The following NOL4 variants were observed in gnomAD, a reference collection of about 807,000 sequenced individuals.
The protein encoded by NOL4 is nucleolar protein 4.
Under a neutral mutation model 75.9 loss-of-function variants are expected in NOL4, and 17 were observed. The observed-to-expected ratio is 0.22, with a 90% CI of 0.15 to 0.34. The LOEUF is 0.34. Among genes scored for constraint, NOL4 ranks in the 10% least tolerant of loss-of-function variants. The pLI, the probability that NOL4 is intolerant of heterozygous loss-of-function variation, is 1.00. For synonymous variants in NOL4, 292 were observed against 289.9 expected, an observed-to-expected ratio of 1.01 and a Z score of -0.07; for missense variants, 614 against 793.5, an observed-to-expected ratio of 0.77 and a Z score of 2.72.
At chr18:34,087,388 C>T (rs932437159) in intron 5 of NOL4, among the ~76,000 whole-genome samples, 1 of 152,000 alleles carries the variant, frequency 6.6e-6, no homozygotes, top group African/African-American at 2.4e-5. Flanking sequence ...TGATAATTTT[C>T]GAGTGTACAA....
intron 10 of NOL4, among the ~76,000 whole-genome samples, chr18:33,862,458 G>T (rs950814474): frequency 6.6e-6 from 1 of 152,084 alleles, no homozygotes; most frequent in African/African-American, 2.4e-5. Context: ...CACAGCAAAA[G>T]AAACTACCAT....
In NOL4 at chr18:34,141,922, C is replaced by A. The variant is rs565446901; in HGVS notation, c.265-11902G>T. On this transcript the variant is annotated intron_variant, in intron 1 of 10. Transcript: ENST00000261592. ...ACCTACAGAATGGGAAAATTTTTTG[C>A]AATCTACTCATCTGACAAAGGGCTA... 1.1e-3 allele frequency among the ~76,000 whole-genome samples: 171 copies of A among 151,816 alleles called. 3 individuals are homozygous for A. The highest frequency in any genetic ancestry group is 3.9e-3 in the African/African-American group (161 of 41,428).
At chr18:33,935,301 C>T (rs934383405) in intron 9 of NOL4, among the ~76,000 whole-genome samples, 2 of 152,118 alleles carry the variant, frequency 1.3e-5, no homozygotes, top group African/African-American at 4.8e-5. Flanking sequence ...ATCATTCTAG[C>T]TTTTGATTTA....
At chr18:33,956,482 A>G (rs1373227236) in intron 8 of NOL4, among the ~76,000 whole-genome samples, 1 of 152,140 alleles carries the variant, frequency 6.6e-6, no homozygotes, top group Non-Finnish European at 1.5e-5. Flanking sequence ...GATCACAAAC[A>G]CTAACAGCCT....
chr18:34,116,283 C>T (rs988000803), intron 2 of NOL4, among the ~76,000 whole-genome samples: 3 of 144,994 alleles, frequency 2.1e-5, no homozygotes, highest in Non-Finnish European at 4.6e-5. Flanking sequence ...TATCTTCCAT[C>T]TGTGGGTTAT....
intron 10 of NOL4, among the ~76,000 whole-genome samples, chr18:33,866,296 A>G (rs2063425199): frequency 6.6e-6 from 1 of 152,122 alleles, no homozygotes; most frequent in Non-Finnish European, 1.5e-5. Flanking sequence ...TTTAAATTCT[A>G]AATTTTTACA....
chr18:34,141,719 C>T (rs1411324044), intron 1 of NOL4, among the ~76,000 whole-genome samples: 2 of 152,140 alleles, frequency 1.3e-5, no homozygotes, highest in Non-Finnish European at 2.9e-5. Context: ...AGACCTAAAA[C>T]CATGAAAACC....
At chr18:34,144,269 C>G (rs2081309745) in intron 1 of NOL4, among the ~76,000 whole-genome samples, 1 of 152,044 alleles carries the variant, frequency 6.6e-6, no homozygotes, top group South Asian at 2.1e-4. Flanking sequence ...AAAAAGTTAC[C>G]TGTTAGCTCT....
chr18:33,852,223 G>A lies in NOL4; in HGVS notation c.*619C>T, dbSNP rs1016116655. On this transcript the variant is annotated 3_prime_UTR_variant, in exon 11 of 11. Transcript: ENST00000261592. The stretch of plus-strand genomic sequence containing the variant: ...TTTTTGTAGAAAGAATTTGGAAAGA[G>A]GAGAAGGCAAAGGGATGTGGAAAAG... 6.6e-6 allele frequency: 1 copy of A among 152,386 alleles called. No individual in the cohort carries two copies. Among genetic ancestry groups the A allele is most frequent in the Non-Finnish European group, 1.5e-5 (1 of 67,964 alleles). 9.4% of individuals were successfully genotyped at this position (152,386 alleles called of 1,614,324 possible).
intron 4 of NOL4, among the ~76,000 whole-genome samples, chr18:34,096,408 A>T (rs1177983645): frequency 6.6e-6 from 1 of 152,066 alleles, no homozygotes; most frequent in Non-Finnish European, 1.5e-5. Context: ...TTAGTTAATA[A>T]TTGATTAAAT....
chr18:34,208,043 G>A (rs548088713), intron 1 of NOL4, among the ~76,000 whole-genome samples: 1 of 152,276 alleles, frequency 6.6e-6, no homozygotes, highest in East Asian at 1.9e-4. Context: ...GACAGAAAGA[G>A]CTTTTCTTCA....
intron 2 of NOL4, among the ~76,000 whole-genome samples, chr18:34,111,030 T>C (rs988916507): frequency 6.6e-6 from 1 of 152,006 alleles, no homozygotes; most frequent in Non-Finnish European, 1.5e-5. Flanking sequence ...CTCTGACAAA[T>C]ATACCAAGAA....
chr18:33,896,145 TC>T (rs1490018460), intron 9 of NOL4, among the ~76,000 whole-genome samples: 2 of 151,966 alleles, frequency 1.3e-5, no homozygotes, highest in East Asian at 3.9e-4. Context: ...CTCACAGAAA[TC>T]AGAGAAGGCA....
intron 6 of NOL4, among the ~76,000 whole-genome samples, chr18:34,002,090 C>A (rs2146238634): frequency 6.6e-6 from 1 of 152,208 alleles, no homozygotes; most frequent in South Asian, 2.1e-4. Flanking sequence ...ATTTCAAAGG[C>A]ATTTTAAATT....
chr18:33,891,922 T>C (rs1038061484), intron 9 of NOL4, among the ~76,000 whole-genome samples: 9 of 152,086 alleles, frequency 5.9e-5, no homozygotes, highest in Non-Finnish European at 1.3e-4. Flanking sequence ...ATTATTAATG[T>C]TTTTGGCAGT....
At position 34,224,798 on chromosome 18, in the gene NOL4, C is replaced by G. The variant is rs1407217210; in HGVS notation, c.-1545G>C. 6.5e-6 allele frequency: 1 copy of G among 154,544 alleles called. No homozygotes were observed. The highest frequency in any genetic ancestry group is 1.4e-5 in the Non-Finnish European group (1 of 69,612). The allele number at this position is 154,544 out of a possible 1,614,324, so 9.6% of individuals were successfully genotyped here. On this transcript the variant is annotated 5_prime_UTR_variant, in exon 1 of 11. Transcript: ENST00000261592. ...GTGTGCGTGTGTGTGAGCAAGGGAGCGAGGGTGTGCGGTGTGCAGGGGGTG... is the reference window on the plus strand; with the variant it reads ...GTGTGCGTGTGTGTGAGCAAGGGAGGGAGGGTGTGCGGTGTGCAGGGGGTG...
intron 6 of NOL4, among the ~76,000 whole-genome samples, chr18:34,001,345 T>C (rs1488744732): frequency 6.6e-6 from 1 of 152,202 alleles, no homozygotes; most frequent in African/African-American, 2.4e-5. Context: ...TACTACGCAA[T>C]TCCAAACTAC....
At chr18:34,192,167 T>G (rs2034965846) in intron 1 of NOL4, among the ~76,000 whole-genome samples, 1 of 152,158 alleles carries the variant, frequency 6.6e-6, no homozygotes, top group African/African-American at 2.4e-5. Flanking sequence ...AGTTTATAGC[T>G]CTTTGAGATT....
intron 1 of NOL4, chr18:34,221,556 A>G (rs1160832703): frequency 1.3e-5 from 2 of 150,970 alleles, no homozygotes; most frequent in African/African-American, 2.4e-5. Flanking sequence ...AGGAGAAGAC[A>G]CCTTTATAGG....
Sources: allele counts gnomAD v4.1 joint callset (sites outside exome capture counted in the v4.1 genomes callset), GRCh38; gene constraint gnomAD v4.1.1; transcripts MANE v1.5; gene names NCBI Gene and HGNC (gene_info 2026-07-23, HGNC 2026-07-21).